Variants in NAV3 observed in about 807,000 individuals in gnomAD.
NAV3 encodes neuron navigator 3, also known as pore membrane and/or filament interacting like protein 1.
NAV3 carries 87 observed loss-of-function variants against 244.7 expected under a neutral mutation model. The observed-to-expected ratio is 0.36, with a 90% CI of 0.30 to 0.42. The LOEUF (loss-of-function observed/expected upper bound fraction) is 0.42, where lower values mean the gene tolerates loss of function less well. Ranked by LOEUF, NAV3 falls within the 20% of genes least tolerant of loss-of-function variation. NAV3 has a pLI of 1.00. For missense variants in NAV3, 2,663 were observed against 2,893.3 expected, an observed-to-expected ratio of 0.92 and a Z score of 1.83; for synonymous variants, 1,126 against 1,042.2, an observed-to-expected ratio of 1.08 and a Z score of -1.55.
intron 2 of NAV3, among the ~76,000 whole-genome samples, chr12:77,695,329 T>C (rs148493801): frequency 3.3e-5 from 5 of 152,276 alleles, no homozygotes; most frequent in African/African-American, 4.8e-5. Context: ...TTTTTGTATA[T>C]GGCAAGAGAC....
intron 2 of NAV3, among the ~76,000 whole-genome samples, chr12:77,806,124 G>A (rs1343785280): frequency 6.6e-6 from 1 of 151,864 alleles, no homozygotes; most frequent in East Asian, 1.9e-4. Context: ...CCAGCTCCTG[G>A]GTTCATTGAT....
intron 2 of NAV3, among the ~76,000 whole-genome samples, chr12:77,708,872 G>T (rs1875964067): frequency 6.6e-6 from 1 of 151,990 alleles, no homozygotes; most frequent in African/African-American, 2.4e-5. Flanking sequence ...GTCTGTTATT[G>T]GTGTATAAGA....
intron 1 of NAV3, among the ~76,000 whole-genome samples, chr12:77,899,023 A>G (rs886655095): frequency 6.6e-6 from 1 of 152,224 alleles, no homozygotes; most frequent in East Asian, 1.9e-4. Flanking sequence ...GAGCAAGAGA[A>G]CTGAAATCAG....
chr12:77,747,432 G>A (rs941939889), intron 2 of NAV3, among the ~76,000 whole-genome samples: 1 of 152,148 alleles, frequency 6.6e-6, no homozygotes, highest in African/African-American at 2.4e-5. Context: ...TACACTGTTG[G>A]TGGGACTGTA....
intron 2 of NAV3, among the ~76,000 whole-genome samples, chr12:77,671,997 A>G (rs114369237): frequency 2.0e-5 from 3 of 152,164 alleles, no homozygotes; most frequent in Admixed American, 2.0e-4. Flanking sequence ...AATCTTCACA[A>G]TCTATGCCTC....
intron 3 of NAV3, among the ~76,000 whole-genome samples, chr12:77,955,537 A>T (rs565234450): frequency 6.6e-5 from 10 of 152,252 alleles, no homozygotes; most frequent in African/African-American, 2.4e-4. Context: ...GTTACTAATA[A>T]CTTTCTCCTT....
chr12:77,741,638 AT>A (rs1256999017), intron 2 of NAV3, among the ~76,000 whole-genome samples: 1 of 152,168 alleles, frequency 6.6e-6, no homozygotes, highest in East Asian at 1.9e-4. Context: ...GAAGATTTGC[AT>A]TATTGAAAAT....
chr12:77,776,905 C>T lies in NAV3; in HGVS notation c.73-163414C>T, dbSNP rs549112492. ...CTGTAACATCTTTATCTATCCAGCC[C>T]AGTAGTTGAGATTTTGCTTAGTATA... On this transcript the variant is annotated intron_variant, in intron 2 of 8. Transcript: ENST00000550042. Among the ~76,000 whole-genome samples the T allele has an allele frequency of 8.7e-4, 133 of 152,234 alleles. No individual in the cohort carries two copies. In the Middle Eastern group the frequency reaches 0.017, roughly 19 times the overall value.
chr12:77,575,028 A>AAT (rs529365263), intron 2 of NAV3, among the ~76,000 whole-genome samples: 96 of 148,302 alleles, frequency 6.5e-4, no homozygotes, highest in East Asian at 1.2e-3. Context: ...CTATTCCTTA[A>AAT]ATATATATAT....
rs191822200 is a variant in NAV3 at position 78,131,538 on chromosome 12, A to C, written c.4441+2672A>C. Among the ~76,000 whole-genome samples, 98 of 152,280 alleles carry C rather than the reference A, an allele frequency of 6.4e-4. 1 individual carries two copies. Among genetic ancestry groups the C allele is most frequent in the Non-Finnish European group, 9.0e-4 (61 of 68,016 alleles). The stretch of plus-strand genomic sequence containing the variant: ...CACCCAAATCACCTAAAGTGCTATA[A>C]GCTTGCTAAGTACTTCATGTCTCCT... On this transcript the variant is annotated intron_variant, in intron 18 of 39. Coordinates refer to ENST00000397909, the MANE Select transcript of NAV3 (RefSeq NM_001024383.2).
At chr12:77,651,146 TA>T (rs899174964) in intron 2 of NAV3, among the ~76,000 whole-genome samples, 43 of 150,682 alleles carry the variant, frequency 2.9e-4, no homozygotes, top group East Asian at 5.8e-4. Context: ...AGGTTAATTA[TA>T]AAAAAAAAAT....
rs1370585633 is a variant in NAV3, at chr12:78,188,311, G to A, written c.5854G>A (p.Val1952Ile). 1 of 1,611,448 alleles carries A rather than the reference G, an allele frequency of 6.2e-7. No individual in the cohort carries two copies. The highest frequency in any genetic ancestry group is 2.2e-5 in the East Asian group (1 of 44,678). ...IGVSGKTKWD[V>I]LDGVIRRLFK... is the part of the protein sequence containing the mutation. ...TGTTAGTGGAAAAACCAAGTGGGAT[G>A]TCTTAGATGGTGTAATAAGACGTCT... The change falls in exon 32 of 40, where the codon GTC becomes ATC. Residue 1952 changes from valine to isoleucine, a missense_variant. By Grantham distance (29) the Val-to-Ile change is conservative (BLOSUM62 3). This residue lies in a region of NAV3 where 543 missense variants were observed against 672.4 expected (regional missense o/e 0.81). Transcript: ENST00000397909.
At chr12:77,829,463 C>G (rs1197988605), upstream of NAV3, among the ~76,000 whole-genome samples, 2 of 152,138 alleles carry the variant, frequency 1.3e-5, no homozygotes, top group East Asian at 3.8e-4. Flanking sequence ...TTTTGTTTTG[C>G]ATTGTGAGGA....
At chr12:77,825,155 T>C (rs1872922699) in intron 2 of NAV3, among the ~76,000 whole-genome samples, 1 of 152,188 alleles carries the variant, frequency 6.6e-6, no homozygotes, top group African/African-American at 2.4e-5. Context: ...AGCAAACTCT[T>C]TTTTAGCCAA....
At chr12:77,667,170 G>C (rs1232718376) in intron 2 of NAV3, among the ~76,000 whole-genome samples, 1 of 152,210 alleles carries the variant, frequency 6.6e-6, no homozygotes, top group Non-Finnish European at 1.5e-5. Context: ...CTCCTGCTCA[G>C]ACAGACAGAG....
At chr12:78,047,160 G>A (rs920772694) in intron 9 of NAV3, among the ~76,000 whole-genome samples, 41 of 152,074 alleles carry the variant, frequency 2.7e-4, no homozygotes, top group Middle Eastern at 6.8e-3. Flanking sequence ...TAGTTTGGCT[G>A]GATATGAAAT....
intron 17 of NAV3, 125 bp from the exon 18 acceptor site, chr12:78,128,581 A>G: frequency 1.1e-6 from 1 of 931,540 alleles, no homozygotes; most frequent in East Asian, 2.7e-5. Context: ...GAGCAATTAT[A>G]ATTAGATTCA....
Position 77,691,636 on chromosome 12 carries a change from A to G in NAV3, c.72+119370A>G, listed in dbSNP as rs536142713. 1.6e-3 allele frequency among the ~76,000 whole-genome samples: 246 copies of G among 151,650 alleles called. 1 individual carries two copies. Among genetic ancestry groups the G allele is most frequent in the Non-Finnish European group, 3.0e-3 (204 of 67,678 alleles). On this transcript the variant is annotated intron_variant, in intron 2 of 8. Coordinates refer to the NAV3 transcript ENST00000550042. ...TTAATGACAATGACCCTTTTTAACAAATGTTTTTTCTTCGTTGAATTTTCA... is the reference window on the plus strand; with the variant it reads ...TTAATGACAATGACCCTTTTTAACAGATGTTTTTTCTTCGTTGAATTTTCA...
At position 78,171,532 on chromosome 12, in the gene NAV3, A is replaced by G. The variant is rs1458427781; in HGVS notation, c.4981+2666A>G. ...AAAAAATAATTTGCTAGGTTTTAAA[A>G]CTAACAAAAACCATGGTTATAAAGG... On this transcript the variant is annotated intron_variant, in intron 24 of 39. Transcript: ENST00000397909. Among the ~76,000 whole-genome samples the G allele has an allele frequency of 2.0e-5, 3 of 151,762 alleles. No individual in the cohort carries two copies. The East Asian group carries it at 5.8e-4, about 29-fold the overall frequency.
Sources: allele counts gnomAD v4.1 joint callset (sites outside exome capture counted in the v4.1 genomes callset), GRCh38; gene constraint gnomAD v4.1.1; regional missense constraint gnomAD v4.1.1; transcripts MANE v1.5; gene names NCBI Gene and HGNC (gene_info 2026-07-23, HGNC 2026-07-21).